ADD1: variants seen among roughly 807,000 people sequenced by gnomAD.
ADD1 encodes adducin 1, also known as alpha-adducin.
In ADD1, 24 loss-of-function variants were observed where a neutral mutation model predicts 80.5. The observed-to-expected ratio is 0.30, with a 90% confidence interval of 0.22 to 0.42. The LOEUF (loss-of-function observed/expected upper bound fraction) is 0.42. Among genes scored for constraint, ADD1 ranks in the 10% least tolerant of loss-of-function variants. The pLI, the probability that ADD1 is intolerant of heterozygous loss-of-function variation, is 1.00. For missense variants in ADD1, 948 were observed against 1,019.0 expected (o/e 0.93, Z 0.95); for synonymous variants, 373 against 393.8 (o/e 0.95, Z 0.63).
chr4:2,844,266 C>T (rs1298280040), intron 1 of ADD1: 3 of 152,296 alleles, frequency 2.0e-5, no homozygotes, highest in Admixed American at 1.3e-4. Flanking sequence ...GGATAGGACC[C>T]CGGGGACTAG....
At chr4:2,893,991 A>C (rs774710201) in intron 4 of ADD1, 22 bp from the exon 5 acceptor site, 1 of 1,603,392 alleles carries the variant, frequency 6.2e-7, no homozygotes, top group East Asian at 2.2e-5. Context: ...TCTTTGAGCT[A>C]ATTCAGTCAT....
chr4:2,876,340 T>C (rs1191760862), intron 2 of ADD1: 3 of 378,634 alleles, frequency 7.9e-6, no homozygotes, highest in Non-Finnish European at 1.4e-5. Flanking sequence ...AATTTCTCCT[T>C]TTTACTCTTG....
At chr4:2,918,882 C>G (rs1739530671) in intron 14 of ADD1, among the ~76,000 whole-genome samples, 1 of 150,842 alleles carries the variant, frequency 6.6e-6, no homozygotes, top group African/African-American at 2.4e-5. Context: ...GACGGAGTCT[C>G]CCTCTGTCAC....
At chr4:2,876,866 G>C (rs1250253535) in intron 2 of ADD1, among the ~76,000 whole-genome samples, 3 of 151,826 alleles carry the variant, frequency 2.0e-5, no homozygotes. Context: ...GCCGGGCATA[G>C]TGGCGCATGC....
At chr4:2,850,771 C>T (rs1308409805) in intron 1 of ADD1, among the ~76,000 whole-genome samples, 3 of 151,410 alleles carry the variant, frequency 2.0e-5, no homozygotes, top group Non-Finnish European at 4.4e-5. Flanking sequence ...GGTTTCACCA[C>T]GTTGCCCAGG....
At chr4:2,862,694 C>G (rs985690457) in intron 1 of ADD1, among the ~76,000 whole-genome samples, 1 of 152,188 alleles carries the variant, frequency 6.6e-6, no homozygotes, top group East Asian at 1.9e-4. Context: ...CTCCCCACCC[C>G]CTGGACTCCC....
intron 14 of ADD1, among the ~76,000 whole-genome samples, chr4:2,921,092 C>A (rs1440643433): frequency 6.6e-6 from 1 of 152,058 alleles, no homozygotes; most frequent in Non-Finnish European, 1.5e-5. Context: ...CCTTCACTTA[C>A]GAAGCTTAGT....
intron 4 of ADD1, among the ~76,000 whole-genome samples, chr4:2,892,764 G>A (rs1435564716): frequency 2.6e-5 from 4 of 151,664 alleles, no homozygotes; most frequent in African/African-American, 9.7e-5. Flanking sequence ...GAGTCAGGAG[G>A]TTGAGGCTGC....
intron 13 of ADD1, among the ~76,000 whole-genome samples, chr4:2,913,952 G>C (rs1263202604): frequency 6.6e-6 from 1 of 151,926 alleles, no homozygotes; most frequent in Non-Finnish European, 1.5e-5. Flanking sequence ...CCAGCTACTC[G>C]GGAGGCTGAG....
chr4:2,888,267 T>C (rs1194001474), intron 4 of ADD1, among the ~76,000 whole-genome samples: 1 of 151,726 alleles, frequency 6.6e-6, no homozygotes, highest in South Asian at 2.1e-4. Flanking sequence ...TTAGTAGAGA[T>C]GGGGTTTCAC....
chr4:2,867,583 C>T (rs555653224), intron 1 of ADD1, among the ~76,000 whole-genome samples: 1 of 152,210 alleles, frequency 6.6e-6, no homozygotes, highest in East Asian at 1.9e-4. Flanking sequence ...TTAATTAATG[C>T]TGTAGTTAAA....
chr4:2,854,125 C>T (rs1727719965), intron 1 of ADD1, among the ~76,000 whole-genome samples: 1 of 152,046 alleles, frequency 6.6e-6, no homozygotes, highest in South Asian at 2.1e-4. Flanking sequence ...AGTTTGAGAC[C>T]AGCTTGGCCG....
chr4:2,923,841 A>G (rs1270693919), intron 14 of ADD1, among the ~76,000 whole-genome samples: 1 of 152,268 alleles, frequency 6.6e-6, no homozygotes, highest in Non-Finnish European at 1.5e-5. Context: ...GCGGCTCGCG[A>G]GAACGAGGTT....
intron 12 of ADD1, 114 bp downstream of exon 12, chr4:2,908,718 A>G (rs1196730599): frequency 3.4e-6 from 3 of 875,994 alleles, no homozygotes; most frequent in Non-Finnish European, 5.5e-6. Context: ...CTAGGCAACC[A>G]GTTACCTTTG....
At chr4:2,921,014 A>ATT (rs1553852417) in intron 14 of ADD1, among the ~76,000 whole-genome samples, 1 of 152,104 alleles carries the variant, frequency 6.6e-6, no homozygotes, top group African/African-American at 2.4e-5. Context: ...TTCAGGTGCT[A>ATT]TTGTAAGGCA....
intron 4 of ADD1, among the ~76,000 whole-genome samples, chr4:2,892,798 A>G (rs1734525652): frequency 6.6e-6 from 1 of 152,110 alleles, no homozygotes; most frequent in African/African-American, 2.4e-5. Flanking sequence ...GCGCCACTGC[A>G]TTACAGCCTG....
In ADD1 at chr4:2,926,404, G is replaced by A; in HGVS notation, c.2047+292G>A. On this transcript the variant is annotated intron_variant, in intron 15 of 15. Transcript: ENST00000683351. The surrounding 1 kb of genome is among the most constrained non-coding windows in gnomAD (Gnocchi z 5.0). ...GCTCGCACACTCCTCGTGCCGTGTT[G>A]TCATGCAGATGCCACCTTCGGAGGT... The A allele has an allele frequency of 1.4e-6, 1 of 696,572 alleles. No homozygotes were observed. Among genetic ancestry groups the A allele is most frequent in the Admixed American group, 2.0e-5 (1 of 49,620 alleles). The allele number at this position is 696,572 out of a possible 1,614,324, so 43.1% of individuals were successfully genotyped here. A position where few individuals can be genotyped will look rare whatever the true frequency, so the allele number is the denominator to read the frequency against.
At chr4:2,898,079 A>G (rs1735555710) in intron 6 of ADD1, 105 bp from the exon 7 acceptor site, 3 of 1,396,142 alleles carry the variant, frequency 2.1e-6, no homozygotes. Flanking sequence ...GAGGACAAAA[A>G]CATTTCCCTT....
intron 2 of ADD1, among the ~76,000 whole-genome samples, chr4:2,877,324 T>G (rs530112860): frequency 6.6e-6 from 1 of 152,240 alleles, no homozygotes; most frequent in African/African-American, 2.4e-5. Context: ...AGATGTTGAT[T>G]GTCTCTTATG....
Sources: gnomAD v4.1 joint callset for allele counts (sites outside exome capture counted in the v4.1 genomes callset) on GRCh38, gnomAD v4.1.1 for gene constraint, Gnocchi (gnomAD v3.1) non-coding constraint, MANE v1.5 for transcripts, NCBI Gene and HGNC (gene_info 2026-07-23, HGNC 2026-07-21) for gene names.